Variants in GRIA2 observed in about 807,000 individuals in gnomAD.
GRIA2 encodes the protein glutamate ionotropic receptor AMPA type subunit 2, also known as glutamate receptor 2.
In GRIA2, 14 loss-of-function variants were observed where a neutral mutation model predicts 97.3. That is an observed-to-expected ratio of 0.14 (90% CI 0.10 to 0.23). The LOEUF is 0.23. GRIA2 is among the 10% of genes least tolerant of loss of function. The probability of loss-of-function intolerance (pLI) is 1.00; values close to 1 mark genes in which losing one functional copy is unlikely to be tolerated. For missense variants in GRIA2, 558 were observed against 1,069.8 expected (o/e 0.52, Z 6.67); for synonymous variants, 412 against 387.8 (o/e 1.06, Z -0.73).
In GRIA2 at chr4:157,336,851, G is replaced by A. The variant is rs1482864208; in HGVS notation, c.1844+104G>A. The A allele has an allele frequency of 3.4e-5, 35 of 1,043,244 alleles. No individual in the cohort carries two copies. In the East Asian group the frequency reaches 8.1e-4, roughly 24 times the overall value. 64.6% of individuals were successfully genotyped at this position (1,043,244 alleles called of 1,614,324 possible). On this transcript the variant is annotated intron_variant, in intron 11 of 15. Transcript: ENST00000264426. ...AGAAGTTACCAGCTGCCGACTTCCT[G>A]TCCAAGCAGTTTAAGACTCTTGAAG... is the stretch of plus-strand genomic sequence containing the variant.
chr4:157,362,793 C>T lies in GRIA2; in HGVS notation c.2407-6C>T. 1 of 1,608,874 alleles carries T rather than the reference C, an allele frequency of 6.2e-7. No homozygotes were observed. Among genetic ancestry groups the T allele is most frequent in the Non-Finnish European group, 8.5e-7 (1 of 1,177,330 alleles). On this transcript the variant is annotated splice_polypyrimidine_tract_variant and splice_region_variant and intron_variant, in intron 14 of 15. Transcript: ENST00000264426. ...CTAATAACCTCTTCTCATATACATT[C>T]TTTAGGAAAAGACCAGTGCCCTCAG...
At chr4:157,298,545 A>T (rs184440858) in intron 2 of GRIA2, among the ~76,000 whole-genome samples, 1 of 146,876 alleles carries the variant, frequency 6.8e-6, no homozygotes, top group South Asian at 2.2e-4. Context: ...AGTTGGAAAT[A>T]TATGGTTTTA....
intron 4 of GRIA2, among the ~76,000 whole-genome samples, chr4:157,317,220 T>C (rs1299449720): frequency 2.6e-5 from 4 of 152,208 alleles, no homozygotes; most frequent in Admixed American, 2.0e-4. Flanking sequence ...GTGTATTTAT[T>C]TGAATATAGA....
At chr4:157,338,093 T>C (rs1735386244) in intron 11 of GRIA2, among the ~76,000 whole-genome samples, 2 of 145,868 alleles carry the variant, frequency 1.4e-5, no homozygotes, top group Admixed American at 6.9e-5. Context: ...ATAAGATTCA[T>C]AGTTTTATCA....
At position 157,255,183 on chromosome 4, in the gene GRIA2, T is replaced by C. The variant is rs562448635; in HGVS notation, c.229+33376T>C. 2.0e-5 allele frequency among the ~76,000 whole-genome samples: 3 copies of C among 152,110 alleles called. No homozygotes were observed. In the South Asian group the frequency reaches 6.2e-4, roughly 32 times the overall value. On this transcript the variant is annotated intron_variant, in intron 2 of 15. Coordinates refer to ENST00000264426, the MANE Select transcript of GRIA2 (RefSeq NM_001083619.3). ...CATGTAGTATTTGACTTTCTGTTTC[T>C]GAGTTGTTTCACTTAAAATAATGGC...
chr4:157,325,484 G>T (rs1734762945), intron 6 of GRIA2, among the ~76,000 whole-genome samples: 2 of 152,120 alleles, frequency 1.3e-5, no homozygotes, highest in Non-Finnish European at 1.5e-5. Flanking sequence ...TCAGAGAAAA[G>T]ACAAAGTTCT....
At chr4:157,269,313 C>G (rs1731911871) in intron 2 of GRIA2, among the ~76,000 whole-genome samples, 1 of 152,016 alleles carries the variant, frequency 6.6e-6, no homozygotes, top group African/African-American at 2.4e-5. Context: ...TACCTATGGT[C>G]TAGGTAGATA....
intron 11 of GRIA2, among the ~76,000 whole-genome samples, chr4:157,337,898 T>A (rs1266277156): frequency 1.3e-5 from 2 of 150,476 alleles, no homozygotes; most frequent in Admixed American, 6.7e-5. Flanking sequence ...ATACAGATTT[T>A]AAAAATTTCA....
intron 2 of GRIA2, among the ~76,000 whole-genome samples, chr4:157,254,600 G>A (rs544108386): frequency 2.0e-5 from 3 of 152,138 alleles, no homozygotes; most frequent in East Asian, 1.9e-4. Context: ...CAGCAAACAT[G>A]TTAAGAAACT....
intron 6 of GRIA2, among the ~76,000 whole-genome samples, chr4:157,327,478 T>C (rs1431142100): frequency 6.6e-6 from 1 of 152,078 alleles, no homozygotes; most frequent in African/African-American, 2.4e-5. Context: ...ATTAAAACAG[T>C]CATTTTATCT....
Position 157,361,334 on chromosome 4 carries a change from A to G in GRIA2, c.2406+210A>G, listed in dbSNP as rs1736623784. 6.6e-6 allele frequency among the ~76,000 whole-genome samples: 1 copy of G among 152,064 alleles called. No individual in the cohort carries two copies. Among genetic ancestry groups the G allele is most frequent in the South Asian group, 2.1e-4 (1 of 4,826 alleles). On this transcript the variant is annotated intron_variant, in intron 14 of 15. Coordinates refer to ENST00000264426, the MANE Select transcript of GRIA2 (RefSeq NM_001083619.3). The surrounding 1 kb of genome is among the most constrained non-coding windows in gnomAD (Gnocchi z 5.2). ...ATATCTCAAGGAAAAATTTGTAACT[A>G]ATGGATTTGTTGCAAACTGTTGCAC...
At chr4:157,353,888 A>T (rs558966129) in intron 12 of GRIA2, among the ~76,000 whole-genome samples, 1 of 152,254 alleles carries the variant, frequency 6.6e-6, no homozygotes, top group South Asian at 2.1e-4. Flanking sequence ...ATGAAAAATC[A>T]AACTACTTTT....
chr4:157,221,321 T>G, intron 1 of GRIA2, 191 bp downstream of exon 1: 1 of 570,628 alleles, frequency 1.8e-6, no homozygotes, highest in South Asian at 2.4e-5. Context: ...TTTGATACAA[T>G]AGAAGAAAAG....
At chr4:157,233,616 G>A (rs1281669212) in intron 2 of GRIA2, among the ~76,000 whole-genome samples, 1 of 151,930 alleles carries the variant, frequency 6.6e-6, no homozygotes, top group African/African-American at 2.4e-5. Context: ...ATTATTGGAG[G>A]CATTATATGA....
At chr4:157,234,428 T>A (rs1216558894) in intron 2 of GRIA2, among the ~76,000 whole-genome samples, 1 of 152,078 alleles carries the variant, frequency 6.6e-6, no homozygotes, top group Non-Finnish European at 1.5e-5. Context: ...AACATGTACA[T>A]TTTACAAGAA....
chr4:157,355,930 T>TA (rs1458926627), intron 12 of GRIA2, among the ~76,000 whole-genome samples: 1 of 44,210 alleles, frequency 2.3e-5, no homozygotes, highest in African/African-American at 8.0e-5. Flanking sequence ...TATTTATATA[T>TA]ATTTATATAT....
chr4:157,259,520 G>A (rs577639123), intron 2 of GRIA2, among the ~76,000 whole-genome samples: 1 of 152,072 alleles, frequency 6.6e-6, no homozygotes, highest in African/African-American at 2.4e-5. Context: ...GCCATTTTAT[G>A]TTCACAGATG....
In GRIA2 at chr4:157,335,656, A is replaced by G; in HGVS notation, c.1267-15A>G. ...CAGATATTTTAATCAGCTAAAGCAA[A>G]GTCTTTTCATATAGGAATCTCCGTA... On this transcript the variant is annotated splice_polypyrimidine_tract_variant and intron_variant, in intron 9 of 15. Coordinates refer to ENST00000264426, the MANE Select transcript of GRIA2 (RefSeq NM_001083619.3). 1 of 1,499,130 alleles carries G rather than the reference A, an allele frequency of 6.7e-7. No individual in the cohort carries two copies. Among genetic ancestry groups the G allele is most frequent in the Middle Eastern group, 1.7e-4 (1 of 5,822 alleles). 92.9% of individuals were successfully genotyped at this position (1,499,130 alleles called of 1,614,324 possible). A position where few individuals can be genotyped will look rare whatever the true frequency, so the allele number is the denominator to read the frequency against.
intron 4 of GRIA2, among the ~76,000 whole-genome samples, chr4:157,315,120 T>C (rs531527748): frequency 3.3e-5 from 5 of 152,338 alleles, no homozygotes; most frequent in Admixed American, 3.3e-4. Context: ...TCAGTAAATA[T>C]TCCCTGAGTG....
Sources: gnomAD v4.1 joint callset for allele counts (sites outside exome capture counted in the v4.1 genomes callset) on GRCh38, gnomAD v4.1.1 for gene constraint, Gnocchi (gnomAD v3.1) non-coding constraint, MANE v1.5 for transcripts, NCBI Gene and HGNC (gene_info 2026-07-23, HGNC 2026-07-21) for gene names.